Variants in ANKHD1 observed in about 807,000 individuals in gnomAD.
ANKHD1 encodes ankyrin repeat and KH domain containing 1.
Under a neutral mutation model 230.5 loss-of-function variants are expected in ANKHD1, and 31 were observed. The observed-to-expected ratio is 0.13, with a 90% CI of 0.10 to 0.18. The LOEUF (loss-of-function observed/expected upper bound fraction) is 0.18, where lower values mean the gene tolerates loss of function less well. Among genes scored for constraint, ANKHD1 ranks in the 10% least tolerant of loss-of-function variants. The pLI, the probability that ANKHD1 is intolerant of heterozygous loss-of-function variation, is 1.00. For missense variants in ANKHD1, 2,256 were observed against 3,071.3 expected, an observed-to-expected ratio of 0.73 and a Z score of 6.27; for synonymous variants, 1,074 against 1,117.6, an observed-to-expected ratio of 0.96 and a Z score of 0.78.
chr5:140,403,620 A>G (rs1770173633), intron 1 of ANKHD1, among the ~76,000 whole-genome samples: 1 of 152,158 alleles, frequency 6.6e-6, no homozygotes, highest in African/African-American at 2.4e-5. Context: ...CACCATGTCC[A>G]GGATGGTCTC....
intron 11 of ANKHD1, among the ~76,000 whole-genome samples, chr5:140,484,538 A>G (rs959038500): frequency 6.6e-6 from 1 of 152,198 alleles, no homozygotes; most frequent in African/African-American, 2.4e-5. Flanking sequence ...TTGCTTAAAA[A>G]AATCTGTTTT....
intron 10 of ANKHD1, among the ~76,000 whole-genome samples, chr5:140,475,433 C>T (rs1169302394): frequency 6.6e-6 from 1 of 152,012 alleles, no homozygotes; most frequent in Non-Finnish European, 1.5e-5. Context: ...AGCAAGGAAC[C>T]GGCATCTTAT....
At chr5:140,534,899 G>T (rs1754005439) in intron 29 of ANKHD1, among the ~76,000 whole-genome samples, 2 of 152,198 alleles carry the variant, frequency 1.3e-5, no homozygotes, top group African/African-American at 4.8e-5. Flanking sequence ...TCTTTGTGAG[G>T]AAGGAAACAT....
intron 1 of ANKHD1, among the ~76,000 whole-genome samples, chr5:140,409,798 C>T (rs1370530113): frequency 1.3e-5 from 2 of 152,032 alleles, no homozygotes; most frequent in Admixed American, 6.6e-5. Context: ...GTGATCCACC[C>T]GCCTCAGCCT....
chr5:140,443,143 T>A (rs893006757), intron 5 of ANKHD1, among the ~76,000 whole-genome samples: 2 of 151,882 alleles, frequency 1.3e-5, no homozygotes, highest in Non-Finnish European at 2.9e-5. Flanking sequence ...GACCTTGTGA[T>A]CCACCCACCT....
At position 140,538,279 on chromosome 5, in the gene ANKHD1, A is replaced by C. The variant is rs749650922; in HGVS notation, c.7404+18A>C. 2.5e-6 allele frequency: 4 copies of C among 1,611,234 alleles called. No individual in the cohort carries two copies. The highest frequency in any genetic ancestry group is 3.4e-6 in the Non-Finnish European group (4 of 1,178,256). ...TTTCTAAAGTGAGTTGACAAACATC[A>C]CTGTAACTTGATTGACACTTTGTCA... On this transcript the variant is annotated intron_variant, in intron 32 of 33. Transcript: ENST00000360839.
chr5:140,414,703 C>T (rs1224325060), intron 1 of ANKHD1, among the ~76,000 whole-genome samples: 1 of 151,990 alleles, frequency 6.6e-6, no homozygotes, highest in Non-Finnish European at 1.5e-5. Flanking sequence ...CATGGTGGCA[C>T]ATGCCTGTAG....
rs1207977580 is a variant in ANKHD1, at chr5:140,487,063, T to A, written c.2245+3T>A. ...TGCCCTTTTAGGAGTGCAAAAAGGT[T>A]AGTTATTGAATTATTTTTCTTAAAA... is the stretch of plus-strand genomic sequence containing the variant. On this transcript the variant is annotated splice_donor_region_variant and intron_variant, in intron 14 of 33. Coordinates refer to ENST00000360839, the MANE Select transcript of ANKHD1 (RefSeq NM_017747.3). 1.9e-6 allele frequency: 3 copies of A among 1,604,366 alleles called. No individual in the cohort carries two copies. The highest frequency in any genetic ancestry group is 1.7e-6 in the Non-Finnish European group (2 of 1,176,726).
At chr5:140,482,718 A>G in intron 11 of ANKHD1, 51 bp downstream of exon 11, 1 of 1,587,048 alleles carries the variant, frequency 6.3e-7, no homozygotes, top group Non-Finnish European at 8.5e-7. Context: ...TTATGGAAAA[A>G]AAAATCCTAA....
rs775758539 is a variant in ANKHD1, at chr5:140,440,282, C to A, written c.765+16C>A. ...ATTAGCACAAGTAAGCAGAAATAAT[C>A]TTTAGTGATTAAAATTGTGGAAGGG... On this transcript the variant is annotated intron_variant, in intron 4 of 33. Coordinates refer to ENST00000360839, the MANE Select transcript of ANKHD1 (RefSeq NM_017747.3). The A allele has an allele frequency of 8.1e-6, 13 of 1,598,752 alleles. No homozygotes were observed. The Admixed American group carries it at 2.1e-4, about 26-fold the overall frequency.
In ANKHD1 at chr5:140,421,877, C is replaced by A. The variant is rs180738308; in HGVS notation, c.307-14227C>A. The stretch of plus-strand genomic sequence containing the variant: ...CATTATTTGAGGCTATACTTAAAAT[C>A]ATGGATTTGACCTATTACCAACCCC... On this transcript the variant is annotated intron_variant, in intron 1 of 33. Coordinates refer to ENST00000360839, the MANE Select transcript of ANKHD1 (RefSeq NM_017747.3). Among the ~76,000 whole-genome samples, 70 of 152,264 alleles carry A rather than the reference C, an allele frequency of 4.6e-4. 1 individual carries two copies. Among genetic ancestry groups the A allele is most frequent in the Middle Eastern group, 6.8e-3 (2 of 292 alleles).
chr5:140,458,950 A>G (rs1775432472), intron 8 of ANKHD1, 88 bp downstream of exon 8: 2 of 12,448 alleles, frequency 1.6e-4, no homozygotes, highest in South Asian at 8.7e-3. Context: ...GCTAGCATAT[A>G]TATATATATA....
Position 140,510,163 on chromosome 5 carries a change from T to A in ANKHD1, c.4086T>A (p.Leu1362=). Residue 1362 remains leucine (L), a synonymous_variant, in exon 22 of 34, where the codon CTT becomes CTA. Transcript: ENST00000360839. ...DAADNRKITP[L]MSAFRKGHVK... ...CAGATAACCGGAAAATCACACCTCT[T>A]ATGTCAGCATTTCGCAAGGTAATTT... is the stretch of plus-strand genomic sequence containing the variant. 3 of 1,606,280 alleles carry A rather than the reference T, an allele frequency of 1.9e-6. No individual in the cohort carries two copies. The highest frequency in any genetic ancestry group is 2.6e-6 in the Non-Finnish European group (3 of 1,174,906).
intron 1 of ANKHD1, among the ~76,000 whole-genome samples, chr5:140,426,210 A>G (rs1174598856): frequency 6.6e-6 from 1 of 152,146 alleles, no homozygotes; most frequent in Non-Finnish European, 1.5e-5. Context: ...GCTCACTGCA[A>G]CTTCTGCCTC....
At chr5:140,526,552 T>C (rs1178877730) in intron 26 of ANKHD1, 109 bp downstream of exon 26, 7 of 1,341,598 alleles carry the variant, frequency 5.2e-6, no homozygotes, top group Admixed American at 2.9e-5. Context: ...ACAATTGAAG[T>C]CTACCACATT....
intron 15 of ANKHD1, among the ~76,000 whole-genome samples, chr5:140,499,276 A>G (rs1465004902): frequency 6.6e-6 from 1 of 152,086 alleles, no homozygotes; most frequent in African/African-American, 2.4e-5. Context: ...TTGAAGGTAA[A>G]ATAAATAAGG....
intron 5 of ANKHD1, among the ~76,000 whole-genome samples, chr5:140,443,192 C>T (rs961189779): frequency 1.3e-5 from 2 of 151,950 alleles, no homozygotes; most frequent in Admixed American, 6.6e-5. Flanking sequence ...CGTGAGCCAT[C>T]GCTCCAGGCC....
At chr5:140,508,123 G>T in intron 20 of ANKHD1, 125 bp downstream of exon 20, 1 of 1,287,572 alleles carries the variant, frequency 7.8e-7, no homozygotes. Context: ...ATGCAGAGTT[G>T]AGGGATTATG....
At chr5:140,466,095 TA>T (rs1776063981) in intron 10 of ANKHD1, among the ~76,000 whole-genome samples, 1 of 152,144 alleles carries the variant, frequency 6.6e-6, no homozygotes, top group African/African-American at 2.4e-5. Context: ...GGAGTTCTTC[TA>T]AAAAATTGAA....
Sources: gnomAD v4.1 joint callset for allele counts (sites outside exome capture counted in the v4.1 genomes callset) on GRCh38, gnomAD v4.1.1 for gene constraint, MANE v1.5 for transcripts, NCBI Gene and HGNC (gene_info 2026-07-23, HGNC 2026-07-21) for gene names.